Variants in ALDH7A1 observed in about 807,000 individuals in gnomAD.
ALDH7A1 encodes the protein aldehyde dehydrogenase 7 family member A1.
In ALDH7A1, 63 loss-of-function variants were observed where a neutral mutation model predicts 79.9. The observed-to-expected ratio is 0.79, with a 90% CI of 0.64 to 0.97. The LOEUF (loss-of-function observed/expected upper bound fraction) is 0.97. Among genes scored for constraint, ALDH7A1 ranks in the 50% least tolerant of loss-of-function variants. ALDH7A1 has a pLI of 0.00. For missense variants in ALDH7A1, 627 were observed against 665.2 expected (o/e 0.94, Z 0.63); for synonymous variants, 240 against 231.2 (o/e 1.04, Z -0.34).
At chr5:126,583,562 G>A (rs1468308778) in intron 4 of ALDH7A1, among the ~76,000 whole-genome samples, 1 of 150,238 alleles carries the variant, frequency 6.7e-6, no homozygotes, top group Non-Finnish European at 1.5e-5. Context: ...CTAGCCAAGT[G>A]TGGTGGCCCA....
chr5:126,560,771 C>A (rs751363407), intron 10 of ALDH7A1, among the ~76,000 whole-genome samples: 1 of 152,024 alleles, frequency 6.6e-6, no homozygotes, highest in African/African-American at 2.4e-5. Flanking sequence ...AGAAATGTGG[C>A]CAGTTTTCAG....
chr5:126,549,522 T>C (rs1038378), intron 16 of ALDH7A1: 33,722 of 186,508 alleles, frequency 0.18, 3,952 homozygotes, highest in East Asian at 0.52. Flanking sequence ...AGAAACAACT[T>C]TGTATTCCAT....
chr5:126,571,830 A>C (rs939634351), intron 7 of ALDH7A1, among the ~76,000 whole-genome samples: 1 of 152,166 alleles, frequency 6.6e-6, no homozygotes, highest in African/African-American at 2.4e-5. Context: ...AGGGATCCCC[A>C]AAACCTAAAG....
chr5:126,551,110 T>G (rs1749983128), intron 14 of ALDH7A1, among the ~76,000 whole-genome samples: 1 of 152,112 alleles, frequency 6.6e-6, no homozygotes, highest in Non-Finnish European at 1.5e-5. Flanking sequence ...AATTTTTTTG[T>G]ACAGACAAGG....
At chr5:126,548,579 A>G (rs368455325) in intron 16 of ALDH7A1, among the ~76,000 whole-genome samples, 1 of 151,952 alleles carries the variant, frequency 6.6e-6, no homozygotes, top group Admixed American at 6.5e-5. Context: ...GGCACACACC[A>G]TCATGCCTAG....
Position 126,568,577 on chromosome 5 carries a change from T to C in ALDH7A1, c.774-221A>G, listed in dbSNP as rs1162402015. ...GGCTAACCTGCTGTGAGCATTTGAA[T>C]AGAAATCACCTAGAGGAAGTTGTTA... On this transcript the variant is annotated intron_variant, in intron 8 of 17. Transcript: ENST00000409134. 9.1e-6 allele frequency: 5 copies of C among 547,808 alleles called. No individual in the cohort carries two copies. In the Admixed American group the frequency reaches 1.2e-4, roughly 13 times the overall value. The allele number at this position is 547,808 out of a possible 1,614,324, so 33.9% of individuals were successfully genotyped here.
At chr5:126,558,349 C>T (rs1437031619) in intron 11 of ALDH7A1, among the ~76,000 whole-genome samples, 1 of 152,052 alleles carries the variant, frequency 6.6e-6, no homozygotes, top group East Asian at 1.9e-4. Context: ...AGCTAAACCA[C>T]ATCTCCTTAT....
Position 126,584,018 on chromosome 5 carries a change from A to G in ALDH7A1, c.313-6T>C. On this transcript the variant is annotated splice_polypyrimidine_tract_variant and splice_region_variant and intron_variant, in intron 3 of 17. Transcript: ENST00000409134. ...CCTCGTTTTGGAGCAGGAATCTAAG[A>G]AAAGAATGCAATTTTTGTGTCTGAT... 1 of 1,612,564 alleles carries G rather than the reference A, an allele frequency of 6.2e-7. No homozygotes were observed. Among genetic ancestry groups the G allele is most frequent in the Non-Finnish European group, 8.5e-7 (1 of 1,178,560 alleles).
At position 126,543,185 on chromosome 5, in the gene ALDH7A1, G is replaced by C. The variant is rs1252184381; in HGVS notation, c.*1780C>G. ...TGGATAGTTAAAAATACTAACAAGT[G>C]ATTTATATCTGCTAAATCAGCAAAA... On this transcript the variant is annotated 3_prime_UTR_variant, in exon 18 of 18. Coordinates refer to ENST00000409134, the MANE Select transcript of ALDH7A1 (RefSeq NM_001182.5). The C allele has an allele frequency of 6.6e-6, 1 of 152,132 alleles. No homozygotes were observed. The highest frequency in any genetic ancestry group is 1.5e-5 in the Non-Finnish European group (1 of 68,022). 9.4% of individuals were successfully genotyped at this position (152,132 alleles called of 1,614,324 possible).
chr5:126,577,754 A>C (rs113388119), intron 5 of ALDH7A1, among the ~76,000 whole-genome samples: 3,120 of 151,804 alleles, frequency 0.021, 104 homozygotes, highest in African/African-American at 0.062. Flanking sequence ...TTAGTAGAGA[A>C]GGAGTTTCAC....
intron 9 of ALDH7A1, among the ~76,000 whole-genome samples, chr5:126,565,394 C>CA (rs1162552475): frequency 0.012 from 746 of 63,338 alleles, 53 homozygotes; most frequent in African/African-American, 0.018. Flanking sequence ...GATTCCATCT[C>CA]AAAAAAAAAA....
intron 8 of ALDH7A1, chr5:126,570,226 T>C (rs1440499037): frequency 2.6e-5 from 4 of 155,038 alleles, no homozygotes; most frequent in Admixed American, 6.4e-5. Flanking sequence ...ATAGTGGTGA[T>C]AGATATACAA....
intron 9 of ALDH7A1, chr5:126,564,573 A>T (rs1386675768): frequency 1.6e-6 from 2 of 1,248,176 alleles, no homozygotes; most frequent in African/African-American, 3.1e-5. Flanking sequence ...ACAGCAGAGT[A>T]TCTTCTCATT....
chr5:126,569,685 A>C (rs1397806502), intron 8 of ALDH7A1: 1 of 152,254 alleles, frequency 6.6e-6, no homozygotes, highest in East Asian at 1.9e-4. Context: ...GAATGCAAGA[A>C]TACAGTCAAA....
At chr5:126,594,215 T>A (rs190192547) in intron 1 of ALDH7A1, 265 of 470,728 alleles carry the variant, frequency 5.6e-4, no homozygotes, top group Non-Finnish European at 8.8e-4. Flanking sequence ...CTCAAAGGAG[T>A]TCACAGCCCA....
At chr5:126,556,794 T>G (rs1335706551) in intron 11 of ALDH7A1, among the ~76,000 whole-genome samples, 1 of 152,198 alleles carries the variant, frequency 6.6e-6, no homozygotes, top group South Asian at 2.1e-4. Flanking sequence ...GTCCATGCTA[T>G]GCTCCAAGTG....
chr5:126,563,882 G>A (rs1454196357), intron 9 of ALDH7A1, among the ~76,000 whole-genome samples: 1 of 151,878 alleles, frequency 6.6e-6, no homozygotes, highest in Non-Finnish European at 1.5e-5. Context: ...TCAATTTCTG[G>A]GTTCAAGCCA....
At chr5:126,549,668 C>T (rs190835390) in intron 16 of ALDH7A1, 106 of 404,856 alleles carry the variant, frequency 2.6e-4, no homozygotes, top group Non-Finnish European at 3.7e-4. Flanking sequence ...CCCCAGAAAA[C>T]AAATGCCACC....
In ALDH7A1 at chr5:126,559,483, T is replaced by C. The variant is rs1750325873; in HGVS notation, c.914-149A>G. On this transcript the variant is annotated intron_variant, in intron 10 of 17. Transcript: ENST00000409134. The stretch of plus-strand genomic sequence containing the variant: ...AGAGTTTTGTTCTTGTCACCCAGGA[T>C]GGAGTGCAATGGCACGATCTCGGCT... The C allele has an allele frequency of 8.4e-6, 5 of 596,678 alleles. No individual in the cohort carries two copies. In the South Asian group the frequency reaches 8.4e-5, roughly 10 times the overall value. The allele number at this position is 596,678 out of a possible 1,614,324, so 37.0% of individuals were successfully genotyped here. A position where few individuals can be genotyped will look rare whatever the true frequency, so the allele number is the denominator to read the frequency against.
Sources: allele counts gnomAD v4.1 joint callset (sites outside exome capture counted in the v4.1 genomes callset), GRCh38; gene constraint gnomAD v4.1.1; transcripts MANE v1.5; gene names NCBI Gene and HGNC (gene_info 2026-07-23, HGNC 2026-07-21).